Variants in GRM7 observed in about 807,000 individuals in gnomAD.
GRM7 encodes metabotropic glutamate receptor 7.
Under a neutral mutation model 84.5 loss-of-function variants are expected in GRM7, and 35 were observed. The observed-to-expected ratio is 0.41, with a 90% CI of 0.32 to 0.55. The LOEUF is 0.55. Among genes scored for constraint, GRM7 ranks in the 20% least tolerant of loss-of-function variants. GRM7 has a pLI of 0.19. For synonymous variants in GRM7, 487 were observed against 455.1 expected (o/e 1.07, Z -0.89); for missense variants, 1,003 against 1,194.6 (o/e 0.84, Z 2.36).
chr3:7,532,824 CAGGGGTTGCCAT>C (rs1701093157), intron 7 of GRM7, among the ~76,000 whole-genome samples: 1 of 92,386 alleles, frequency 1.1e-5, no homozygotes, highest in Non-Finnish European at 2.3e-5. Flanking sequence ...AAAAAAAAAG[CAGGGGTTGCCAT>C]CCTAGTCTCT....
intron 2 of GRM7, among the ~76,000 whole-genome samples, chr3:7,210,599 C>A (rs986263257): frequency 6.6e-6 from 1 of 152,068 alleles, no homozygotes; most frequent in East Asian, 1.9e-4. Flanking sequence ...TAAGATCCTG[C>A]ACCCTTCAAA....
At chr3:6,886,641 GA>G (rs1695706994) in intron 1 of GRM7, among the ~76,000 whole-genome samples, 1 of 151,746 alleles carries the variant, frequency 6.6e-6, no homozygotes. Context: ...AAATACTAAT[GA>G]ATTATTGTCT....
At chr3:7,647,853 G>T (rs948690054) in intron 8 of GRM7, among the ~76,000 whole-genome samples, 2 of 152,178 alleles carry the variant, frequency 1.3e-5, no homozygotes, top group African/African-American at 4.8e-5. Flanking sequence ...GGGAGAAATG[G>T]ATTTGAGGTT....
At chr3:6,890,465 A>T (rs1207602676) in intron 1 of GRM7, among the ~76,000 whole-genome samples, 1 of 151,992 alleles carries the variant, frequency 6.6e-6, no homozygotes, top group East Asian at 1.9e-4. Flanking sequence ...GATCATCTTT[A>T]TTTCTGTCTT....
intron 1 of GRM7, among the ~76,000 whole-genome samples, chr3:7,012,998 C>T (rs1258147256): frequency 6.6e-6 from 1 of 152,102 alleles, no homozygotes; most frequent in East Asian, 1.9e-4. Context: ...CGTCTTCCTT[C>T]CAATACGCCG....
intron 2 of GRM7, among the ~76,000 whole-genome samples, chr3:7,250,513 T>G (rs1347872771): frequency 6.8e-6 from 1 of 147,178 alleles, no homozygotes; most frequent in Admixed American, 6.9e-5. Context: ...ATTTGTTTAT[T>G]TATTTATTTA....
chr3:7,074,508 A>G (rs1485666065), intron 1 of GRM7, among the ~76,000 whole-genome samples: 2 of 152,200 alleles, frequency 1.3e-5, no homozygotes, highest in Non-Finnish European at 2.9e-5. Context: ...GTTCTGCGAC[A>G]TTATAAATAC....
chr3:7,121,352 TCC>T (rs1693213106), intron 1 of GRM7, among the ~76,000 whole-genome samples: 1 of 151,692 alleles, frequency 6.6e-6, no homozygotes, highest in Admixed American at 6.6e-5. Context: ...CATCCATCCA[TCC>T]ATCCATCCAT....
At chr3:7,321,306 C>T (rs1700772187) in intron 4 of GRM7, among the ~76,000 whole-genome samples, 1 of 152,032 alleles carries the variant, frequency 6.6e-6, no homozygotes, top group African/African-American at 2.4e-5. Context: ...CCTATTTGTA[C>T]TTCTAACTAT....
chr3:7,110,603 ACACACACACG>A (rs1692813259), intron 1 of GRM7, among the ~76,000 whole-genome samples: 1 of 145,226 alleles, frequency 6.9e-6, no homozygotes, highest in South Asian at 2.3e-4. Context: ...ACACACACAC[ACACACACACG>A]CACACAATTA....
chr3:7,352,374 T>C (rs1200836295), intron 4 of GRM7, among the ~76,000 whole-genome samples: 2 of 152,108 alleles, frequency 1.3e-5, no homozygotes, highest in Non-Finnish European at 2.9e-5. Context: ...ATGAAGTCAG[T>C]TGGTTGCTTC....
intron 9 of GRM7, among the ~76,000 whole-genome samples, chr3:7,732,330 C>G (rs557948256): frequency 6.6e-6 from 1 of 152,140 alleles, no homozygotes; most frequent in Non-Finnish European, 1.5e-5. Context: ...ACTGTCTCTG[C>G]CATCCTGATA....
chr3:7,452,626 A>C lies in GRM7; in HGVS notation c.1194A>C (p.Lys398Asn), dbSNP rs1363948845. 6.2e-7 allele frequency: 1 copy of C among 1,609,334 alleles called. No homozygotes were observed. The highest frequency in any genetic ancestry group is 1.7e-5 in the Admixed American group (1 of 59,966). ...RKCTGQERIG[K>N]DSNYEQEGKV... ...GTGCAGGACAGGAGAGAATTGGAAA[A>C]GATTCCAACTATGAGCAGGAGGGTA... is the stretch of plus-strand genomic sequence containing the variant. Residue 398 changes from lysine to asparagine, a missense_variant, in exon 6 of 10, where the codon AAA becomes AAC. Coordinates refer to ENST00000357716, the MANE Select transcript of GRM7 (RefSeq NM_000844.4).
At chr3:7,632,156 C>A (rs923767802) in intron 8 of GRM7, among the ~76,000 whole-genome samples, 4 of 152,154 alleles carry the variant, frequency 2.6e-5, no homozygotes, top group African/African-American at 9.7e-5. Flanking sequence ...TCATATCATG[C>A]AGGGCCTTAG....
chr3:7,240,838 T>G (rs1210801978), intron 2 of GRM7, among the ~76,000 whole-genome samples: 1 of 152,200 alleles, frequency 6.6e-6, no homozygotes, highest in Non-Finnish European at 1.5e-5. Flanking sequence ...CCCATAAGAT[T>G]ATAATATTGT....
chr3:7,144,583 C>T (rs62237666), intron 1 of GRM7, among the ~76,000 whole-genome samples: 36,667 of 151,976 alleles, frequency 0.24, 4,872 homozygotes, highest in Non-Finnish European at 0.3. Flanking sequence ...TCTTTATTTT[C>T]GATGATTATT....
intron 4 of GRM7, among the ~76,000 whole-genome samples, chr3:7,332,816 A>G (rs1701259758): frequency 6.6e-6 from 1 of 152,038 alleles, no homozygotes; most frequent in African/African-American, 2.4e-5. Flanking sequence ...GCCCCACCCA[A>G]CGAGAGTCTG....
intron 1 of GRM7, among the ~76,000 whole-genome samples, chr3:7,043,534 A>G (rs1262094541): frequency 6.6e-6 from 1 of 152,092 alleles, no homozygotes; most frequent in African/African-American, 2.4e-5. Flanking sequence ...TCTCTCGGAT[A>G]TTTTTCCAGC....
At chr3:7,066,228 T>C (rs1012680623) in intron 1 of GRM7, among the ~76,000 whole-genome samples, 2 of 151,572 alleles carry the variant, frequency 1.3e-5, no homozygotes, top group Non-Finnish European at 2.9e-5. Context: ...AAAGGATAAA[T>C]GAAACAAAAA....
Sources: gnomAD v4.1 joint callset for allele counts (sites outside exome capture counted in the v4.1 genomes callset) on GRCh38, gnomAD v4.1.1 for gene constraint, MANE v1.5 for transcripts, NCBI Gene and HGNC (gene_info 2026-07-23, HGNC 2026-07-21) for gene names.